BCL2: variants seen among roughly 807,000 people sequenced by gnomAD.
BCL2 encodes the protein BCL2 apoptosis regulator.
In BCL2, 1 loss-of-function variant was observed where a neutral mutation model predicts 14.2. That is an observed-to-expected ratio of 0.07 (90% CI 0.02 to 0.33). The LOEUF is 0.33. Among genes scored for constraint, BCL2 ranks in the 10% least tolerant of loss-of-function variants. The probability of loss-of-function intolerance (pLI) is 0.99; values close to 1 mark genes in which losing one functional copy is unlikely to be tolerated. For synonymous variants in BCL2, 151 were observed against 137.2 expected (o/e 1.10, Z -0.70); for missense variants, 247 against 305.9 (o/e 0.81, Z 1.44).
At chr18:63,166,600 C>T (rs1312574686) in intron 2 of BCL2, among the ~76,000 whole-genome samples, 2 of 152,206 alleles carry the variant, frequency 1.3e-5, no homozygotes, top group Non-Finnish European at 2.9e-5. Flanking sequence ...AGGAGACAAA[C>T]AGTATAATAA....
At chr18:63,290,461 A>C (rs1043425334) in intron 2 of BCL2, among the ~76,000 whole-genome samples, 2 of 152,234 alleles carry the variant, frequency 1.3e-5, no homozygotes, top group African/African-American at 4.8e-5. Flanking sequence ...AAAAATGGAA[A>C]TGAGGCGAGG....
rs1913852265 is a variant in BCL2, at chr18:63,124,253, T to C, written c.*4372A>G. 8.9e-6 allele frequency: 2 copies of C among 225,096 alleles called. No homozygotes were observed. The highest frequency in any genetic ancestry group is 1.1e-4 in the Admixed American group (2 of 17,480). The allele number at this position is 225,096 out of a possible 1,614,324, so 13.9% of individuals were successfully genotyped here. ...AAATTTTTTTCTGTATTGTACATAATAAACATTTAGAAACAGATGTCCCTA... is the reference window on the plus strand; with the variant it reads ...AAATTTTTTTCTGTATTGTACATAACAAACATTTAGAAACAGATGTCCCTA... On this transcript the variant is annotated 3_prime_UTR_variant, in exon 3 of 3. Transcript: ENST00000333681.
intron 2 of BCL2, among the ~76,000 whole-genome samples, chr18:63,187,936 A>C (rs1389076911): frequency 6.6e-6 from 1 of 152,206 alleles, no homozygotes; most frequent in African/African-American, 2.4e-5. Flanking sequence ...TGAAAGCTGG[A>C]GCAGTCTTCA....
intron 2 of BCL2, among the ~76,000 whole-genome samples, chr18:63,284,525 A>G (rs1912409420): frequency 6.6e-6 from 1 of 152,216 alleles, no homozygotes; most frequent in South Asian, 2.1e-4. Flanking sequence ...GAAACAAGGC[A>G]GACTTTGCCT....
intron 2 of BCL2, among the ~76,000 whole-genome samples, chr18:63,261,791 C>CTT (rs10597397): frequency 1.4e-5 from 2 of 143,668 alleles, no homozygotes; most frequent in African/African-American, 5.1e-5. Context: ...GTTATTTTTT[C>CTT]TTTTTTTTTT....
intron 2 of BCL2, among the ~76,000 whole-genome samples, chr18:63,139,620 TC>T: frequency 6.6e-6 from 1 of 152,308 alleles, no homozygotes; most frequent in South Asian, 2.1e-4. Flanking sequence ...AGGCCCATGC[TC>T]CTGTCCTCAT....
At chr18:63,187,531 T>C (rs1599232426) in intron 2 of BCL2, among the ~76,000 whole-genome samples, 1 of 152,382 alleles carries the variant, frequency 6.6e-6, no homozygotes, top group South Asian at 2.1e-4. Context: ...CCAAGTTGGA[T>C]GTCTGTTTTG....
intron 2 of BCL2, among the ~76,000 whole-genome samples, chr18:63,285,217 C>T (rs1912436244): frequency 6.6e-6 from 1 of 152,162 alleles, no homozygotes; most frequent in African/African-American, 2.4e-5. Context: ...AACTTCTCGC[C>T]CATCCAGCAG....
At chr18:63,225,971 C>T (rs759610390) in intron 2 of BCL2, among the ~76,000 whole-genome samples, 8 of 152,268 alleles carry the variant, frequency 5.3e-5, no homozygotes, top group East Asian at 3.9e-4. Context: ...AGTTCTTGTC[C>T]GGCGTCCAGG....
chr18:63,287,744 A>G (rs933461896), intron 2 of BCL2, among the ~76,000 whole-genome samples: 3 of 152,266 alleles, frequency 2.0e-5, no homozygotes, highest in African/African-American at 7.2e-5. Flanking sequence ...CAGCAGCAGC[A>G]GCAGGATAAA....
chr18:63,160,322 G>C (rs1275620420), intron 2 of BCL2, among the ~76,000 whole-genome samples: 1 of 152,210 alleles, frequency 6.6e-6, no homozygotes, highest in South Asian at 2.1e-4. Flanking sequence ...GCTTTTTAGC[G>C]ACAGGCACGT....
chr18:63,212,253 A>G lies in BCL2; in HGVS notation c.586-83494T>C, dbSNP rs185494342. Among the ~76,000 whole-genome samples, 42 of 151,740 alleles carry G rather than the reference A, an allele frequency of 2.8e-4. 2 individuals carry two copies. Among genetic ancestry groups the G allele is most frequent in the South Asian group, 4.2e-4 (2 of 4,814 alleles). On this transcript the variant is annotated intron_variant, in intron 2 of 2. Coordinates refer to ENST00000333681, the MANE Select transcript of BCL2 (RefSeq NM_000633.3). ...AGGCGAGACAGAATTGCTTGAACCC[A>G]GGAGGCAGAGGTTGCAGTGAGCCAA...
In BCL2 at chr18:63,193,183, G is replaced by A. The variant is rs935082031; in HGVS notation, c.586-64424C>T. Among the ~76,000 whole-genome samples, 4 of 152,204 alleles carry A rather than the reference G, an allele frequency of 2.6e-5. No individual in the cohort carries two copies. In the East Asian group the frequency reaches 5.8e-4, roughly 22 times the overall value. On this transcript the variant is annotated intron_variant, in intron 2 of 2. Transcript: ENST00000333681. ...GCCTGTTATGAAAGGAGAGTGTACT[G>A]TAGTGATTACTGCTATTCAGAAATG...
intron 2 of BCL2, among the ~76,000 whole-genome samples, chr18:63,223,008 G>A (rs1202027093): frequency 6.6e-6 from 1 of 152,230 alleles, no homozygotes; most frequent in Non-Finnish European, 1.5e-5. Context: ...TCAGTGAGGA[G>A]CAGGAAAGTT....
At chr18:63,144,731 G>A (rs1025499924) in intron 2 of BCL2, among the ~76,000 whole-genome samples, 1 of 152,184 alleles carries the variant, frequency 6.6e-6, no homozygotes, top group Non-Finnish European at 1.5e-5. Context: ...AAGTGGCATG[G>A]GAGTTTGGGG....
intron 2 of BCL2, among the ~76,000 whole-genome samples, chr18:63,306,077 AAAACAAACAAAT>A (rs1212047368): frequency 6.6e-6 from 1 of 152,202 alleles, no homozygotes; most frequent in African/African-American, 2.4e-5. Context: ...CTTATCTCCA[AAAACAAACAAAT>A]AAACAAACAA....
intron 2 of BCL2, chr18:63,317,069 C>T (rs920975077): frequency 2.6e-5 from 4 of 152,046 alleles, no homozygotes; most frequent in African/African-American, 9.7e-5. Flanking sequence ...CAGAAAAGTA[C>T]AATTGTATGG....
intron 2 of BCL2, among the ~76,000 whole-genome samples, chr18:63,166,512 G>A (rs1350014853): frequency 2.0e-5 from 3 of 152,212 alleles, no homozygotes; most frequent in African/African-American, 7.2e-5. Context: ...AAGCCCATAC[G>A]ATATCATGAT....
intron 2 of BCL2, among the ~76,000 whole-genome samples, chr18:63,185,006 C>A (rs912160404): frequency 2.6e-5 from 4 of 152,170 alleles, no homozygotes; most frequent in African/African-American, 7.2e-5. Context: ...GATAATCACT[C>A]CTGACCTGCT....
Sources: allele counts gnomAD v4.1 joint callset (sites outside exome capture counted in the v4.1 genomes callset), GRCh38; gene constraint gnomAD v4.1.1; transcripts MANE v1.5; gene names NCBI Gene and HGNC (gene_info 2026-07-23, HGNC 2026-07-21).